The following FOXP1 variants were observed in gnomAD, a reference collection of about 807,000 sequenced individuals.
The protein encoded by FOXP1 is forkhead box protein P1.
A neutral mutation model predicts 98.2 loss-of-function variants in FOXP1; 15 were observed. The observed-to-expected ratio is 0.15, with a 90% CI of 0.10 to 0.24. The LOEUF is 0.24. Ranked by LOEUF, FOXP1 falls within the 10% of genes least tolerant of loss-of-function variation. The probability of loss-of-function intolerance (pLI) is 1.00; values close to 1 mark genes in which losing one functional copy is unlikely to be tolerated. For missense variants in FOXP1, 633 were observed against 848.5 expected, an observed-to-expected ratio of 0.75 and a Z score of 3.15; for synonymous variants, 371 against 314.5, an observed-to-expected ratio of 1.18 and a Z score of -1.90.
chr3:71,439,916 C>T (rs1003175859), intron 3 of FOXP1, among the ~76,000 whole-genome samples: 1 of 149,282 alleles, frequency 6.7e-6, no homozygotes, highest in African/African-American at 2.5e-5. Flanking sequence ...ATTGCACACT[C>T]CAGCCTGGGC....
intron 3 of FOXP1, among the ~76,000 whole-genome samples, chr3:71,454,795 A>T (rs989020707): frequency 1.5e-5 from 2 of 135,616 alleles, no homozygotes; most frequent in Non-Finnish European, 1.7e-5. Context: ...TGTTTTCTTT[A>T]AAAAAAAAAA....
intron 4 of FOXP1, among the ~76,000 whole-genome samples, chr3:71,311,193 G>A (rs2074657545): frequency 6.6e-6 from 1 of 152,078 alleles, no homozygotes; most frequent in Admixed American, 6.6e-5. Context: ...GACTCAAGCG[G>A]TTCTCCCACC....
intron 20 of FOXP1, among the ~76,000 whole-genome samples, chr3:70,965,464 G>A (rs2106998729): frequency 6.6e-6 from 1 of 152,308 alleles, no homozygotes; most frequent in South Asian, 2.1e-4. Context: ...TAATGCTGCG[G>A]CGGCGTGTTC....
At chr3:71,251,705 A>C (rs1190039345) in intron 5 of FOXP1, among the ~76,000 whole-genome samples, 1 of 152,204 alleles carries the variant, frequency 6.6e-6, no homozygotes, top group African/African-American at 2.4e-5. Context: ...AAGTCAACAA[A>C]GTGCGTTGGA....
intron 3 of FOXP1, among the ~76,000 whole-genome samples, chr3:71,436,244 C>T (rs576434770): frequency 2.0e-5 from 3 of 152,168 alleles, no homozygotes; most frequent in African/African-American, 4.8e-5. Context: ...ATTTGGAAAA[C>T]TTTACACATG....
At chr3:71,078,206 G>C (rs1338569204) in intron 7 of FOXP1, among the ~76,000 whole-genome samples, 1 of 152,200 alleles carries the variant, frequency 6.6e-6, no homozygotes, top group African/African-American at 2.4e-5. Flanking sequence ...TCCACCTGTG[G>C]TGCGTTTCAC....
At chr3:71,552,729 T>C (rs530978477) in intron 2 of FOXP1, among the ~76,000 whole-genome samples, 1 of 152,194 alleles carries the variant, frequency 6.6e-6, no homozygotes, top group African/African-American at 2.4e-5. Context: ...TTGATGGTAT[T>C]ATAATGACAG....
At chr3:71,389,901 C>A (rs2080904623) in intron 3 of FOXP1, among the ~76,000 whole-genome samples, 1 of 151,548 alleles carries the variant, frequency 6.6e-6, no homozygotes, top group African/African-American at 2.4e-5. Flanking sequence ...TTTCCTCAAA[C>A]CAAGGAAATG....
intron 6 of FOXP1, among the ~76,000 whole-genome samples, chr3:71,133,597 T>C (rs1241151157): frequency 6.6e-6 from 1 of 152,196 alleles, no homozygotes; most frequent in Non-Finnish European, 1.5e-5. Flanking sequence ...AGTGGTTTGA[T>C]TTTAATAGAC....
At chr3:71,376,237 C>G (rs566904525) in intron 3 of FOXP1, among the ~76,000 whole-genome samples, 2 of 152,194 alleles carry the variant, frequency 1.3e-5, no homozygotes, top group East Asian at 3.9e-4. Flanking sequence ...TTAATCCCAT[C>G]TTATAGACAA....
chr3:71,090,429 G>C (rs1461875241), intron 7 of FOXP1, among the ~76,000 whole-genome samples: 2 of 152,042 alleles, frequency 1.3e-5, no homozygotes, highest in Non-Finnish European at 2.9e-5. Flanking sequence ...ACCACCCTTG[G>C]GGGGAAAAAG....
chr3:71,538,056 A>G (rs915869757), intron 2 of FOXP1, among the ~76,000 whole-genome samples: 3 of 152,228 alleles, frequency 2.0e-5, no homozygotes, highest in Non-Finnish European at 2.9e-5. Context: ...TGGATTTACT[A>G]TCTGGCCCTT....
chr3:71,386,003 C>T (rs1346158550), intron 3 of FOXP1, among the ~76,000 whole-genome samples: 1 of 152,218 alleles, frequency 6.6e-6, no homozygotes, highest in Non-Finnish European at 1.5e-5. Context: ...CCCTTCCCAG[C>T]CTGCCCTCTC....
intron 3 of FOXP1, among the ~76,000 whole-genome samples, chr3:71,415,702 C>A (rs919495022): frequency 1.4e-5 from 2 of 140,918 alleles, no homozygotes; most frequent in South Asian, 2.2e-4. Flanking sequence ...ATTAGTTGCT[C>A]TTTTTTTTTT....
rs113468817 is a variant in FOXP1, at chr3:71,526,836, G to C, written c.-297-33281C>G. Among the ~76,000 whole-genome samples, 526 of 152,056 alleles carry C rather than the reference G, an allele frequency of 3.5e-3. 2 individuals are homozygous for C. Among genetic ancestry groups the C allele is most frequent in the Non-Finnish European group, 5.9e-3 (399 of 67,970 alleles). The stretch of plus-strand genomic sequence containing the variant: ...TACAAAATTAGTCGGGCGTGGTGGC[G>C]CATGCCTGTAATCCCAGCTACTTGG... On this transcript the variant is annotated intron_variant, in intron 2 of 20. Coordinates refer to ENST00000649528, the MANE Select transcript of FOXP1 (RefSeq NM_001349338.3).
At chr3:71,163,589 G>A (rs1431520611) in intron 6 of FOXP1, among the ~76,000 whole-genome samples, 6 of 152,058 alleles carry the variant, frequency 3.9e-5, no homozygotes, top group African/African-American at 1.4e-4. Flanking sequence ...ATTATGAATC[G>A]TGCTGGCCAA....
At chr3:70,999,129 G>A (rs556776552) in intron 13 of FOXP1, among the ~76,000 whole-genome samples, 5 of 152,020 alleles carry the variant, frequency 3.3e-5, no homozygotes, top group South Asian at 4.2e-4. Flanking sequence ...TCACTCTGTC[G>A]CCCAGGCTGG....
At chr3:71,581,059 C>A in intron 2 of FOXP1, 1 of 967,430 alleles carries the variant, frequency 1.0e-6, no homozygotes, top group Non-Finnish European at 1.2e-6. Context: ...CAGATGAGGG[C>A]TTGTGGGGTG....
intron 2 of FOXP1, among the ~76,000 whole-genome samples, chr3:71,522,709 T>C (rs2043086421): frequency 6.6e-6 from 1 of 152,086 alleles, no homozygotes; most frequent in Admixed American, 6.5e-5. Context: ...ACTGATGTCA[T>C]ATTGAAAAAA....
Sources: allele counts gnomAD v4.1 joint callset (sites outside exome capture counted in the v4.1 genomes callset), GRCh38; gene constraint gnomAD v4.1.1; transcripts MANE v1.5; gene names NCBI Gene and HGNC (gene_info 2026-07-23, HGNC 2026-07-21).